The following TOR3A variants were observed in gnomAD, a reference collection of about 807,000 sequenced individuals.
TOR3A encodes torsin-3A.
TOR3A carries 44 observed loss-of-function variants against 42.1 expected under a neutral mutation model. The observed-to-expected ratio is 1.04, with a 90% CI of 0.82 to 1.34. TOR3A has a LOEUF of 1.34. TOR3A is among the 40% of genes most tolerant of loss of function. TOR3A has a pLI of 0.00. For missense variants in TOR3A, 521 were observed against 507.6 expected, an observed-to-expected ratio of 1.03 and a Z score of -0.25; for synonymous variants, 227 against 213.2, an observed-to-expected ratio of 1.06 and a Z score of -0.57.
intron 4 of TOR3A, among the ~76,000 whole-genome samples, chr1:179,092,210 A>T (rs1055890862): frequency 9.9e-5 from 15 of 152,184 alleles, no homozygotes; most frequent in African/African-American, 3.6e-4. Flanking sequence ...AGAGAACCAC[A>T]CAGCTCCCCT....
intron 4 of TOR3A, among the ~76,000 whole-genome samples, chr1:179,092,404 C>A (rs779595264): frequency 2.0e-5 from 3 of 152,136 alleles, no homozygotes; most frequent in Non-Finnish European, 4.4e-5. Context: ...TGTCCTTTAC[C>A]CTCCCTCATT....
rs778756684 is a variant in TOR3A at position 179,082,181 on chromosome 1, C to G, written c.53C>G (p.Pro18Arg). ...QLWLFFLLLL[P>R]GAPEPRGASR... ...TGGCTCTTTTTCCTGCTGCTGCTCC[C>G]GGGCGCGCCTGAGCCCCGCGGCGCC... is the stretch of plus-strand genomic sequence containing the variant. The change falls in exon 1 of 6, where the codon CCG (proline) becomes CGG (arginine). Residue 18 changes from proline (P) to arginine (R), a missense_variant. By Grantham distance (103) the Pro-to-Arg change is moderately radical. Transcript: ENST00000367627. 11 of 1,507,848 alleles carry G rather than the reference C, an allele frequency of 7.3e-6. No homozygotes were observed. The highest frequency in any genetic ancestry group is 3.7e-5 in the South Asian group (3 of 80,886). The allele number at this position is 1,507,848 out of a possible 1,614,324, so 93.4% of individuals were successfully genotyped here. A position where few individuals can be genotyped will look rare whatever the true frequency, so the allele number is the denominator to read the frequency against.
intron 4 of TOR3A, among the ~76,000 whole-genome samples, chr1:179,091,310 G>A (rs1652575402): frequency 6.6e-5 from 10 of 152,182 alleles, no homozygotes; most frequent in Admixed American, 6.5e-4. Flanking sequence ...GATGAGCTGG[G>A]AGGCTGTGGA....
At chr1:179,083,927 G>T (rs1291957234) in intron 2 of TOR3A, among the ~76,000 whole-genome samples, 1 of 152,072 alleles carries the variant, frequency 6.6e-6, no homozygotes, top group East Asian at 1.9e-4. Flanking sequence ...AGATATTTAG[G>T]TCACTTAATT....
At position 179,087,940 on chromosome 1, in the gene TOR3A, G is replaced by A. The variant is rs776157763; in HGVS notation, c.669G>A (p.Thr223=). 4 of 1,602,392 alleles carry A rather than the reference G, an allele frequency of 2.5e-6. No individual in the cohort carries two copies. Among genetic ancestry groups the A allele is most frequent in the African/African-American group, 1.3e-5 (1 of 74,518 alleles). ...AGCTGATGAGCCAGATCCGGGAGACGCAGCAGCTCTGCCACCAGACCCTGT... is the reference window on the plus strand; with the variant it reads ...AGCTGATGAGCCAGATCCGGGAGACACAGCAGCTCTGCCACCAGACCCTGT... ...KEQLMSQIRE[T]QQLCHQTLFI... The change falls in exon 4 of 6, where the codon ACG becomes ACA. Residue 223 remains threonine, a synonymous_variant. Transcript: ENST00000367627.
At position 179,088,090 on chromosome 1, in the gene TOR3A, G is replaced by C. The variant is rs1396137721; in HGVS notation, c.818+1G>C. 1 of 1,582,700 alleles carries C rather than the reference G, an allele frequency of 6.3e-7. No homozygotes were observed. Among genetic ancestry groups the C allele is most frequent in the Admixed American group, 1.9e-5 (1 of 53,926 alleles). On this transcript the variant is annotated splice_donor_variant, in intron 4 of 5. Transcript: ENST00000367627. LOFTEE classifies it high-confidence loss of function. Reference sequence around the variant, plus strand: ...CATGGACTATCTTTCTGTTTCTCAGGTGGGTTCTGGGGAACAATAGTCAGG... The same window carrying C: ...CATGGACTATCTTTCTGTTTCTCAGCTGGGTTCTGGGGAACAATAGTCAGG...
intron 4 of TOR3A, among the ~76,000 whole-genome samples, chr1:179,089,746 G>A (rs905263795): frequency 2.0e-5 from 3 of 152,096 alleles, no homozygotes; most frequent in South Asian, 4.1e-4. Context: ...CCACCGATGC[G>A]GAAGCCAGTC....
chr1:179,091,835 C>G (rs746850152), intron 4 of TOR3A: 7 of 152,346 alleles, frequency 4.6e-5, no homozygotes, highest in Non-Finnish European at 8.8e-5. Flanking sequence ...GCCCTGGCAG[C>G]AGGGTCTTGC....
chr1:179,095,008 G>T lies in TOR3A; in HGVS notation c.984G>T (p.Leu328=). 1 of 1,614,188 alleles carries T rather than the reference G, an allele frequency of 6.2e-7. No homozygotes were observed. Among genetic ancestry groups the T allele is most frequent in the Non-Finnish European group, 8.5e-7 (1 of 1,180,056 alleles). Residue 328 remains leucine, a synonymous_variant, in exon 6 of 6, where the codon CTG becomes CTT. Transcript: ENST00000367627. ...FGHSRLVKEN[L]IDYFIPFLPL... ...ACAGCCGTCTTGTGAAGGAAAACCT[G>T]ATTGACTACTTCATCCCCTTCCTGC...
intron 4 of TOR3A, among the ~76,000 whole-genome samples, chr1:179,089,309 G>C (rs983774899): frequency 7.2e-5 from 10 of 138,408 alleles, no homozygotes; most frequent in Non-Finnish European, 1.5e-4. Context: ...CAACAAGAGA[G>C]AGACTCCATC....
Position 179,095,206 on chromosome 1 carries a change from C to T in TOR3A, c.1182C>T (p.Tyr394=). ...GCKSISQRIN[Y]FLS ...AGTCTATTTCCCAGAGGATTAACTA[C>T]TTCCTGTCATGAAGGCTAGAGGAAG... The change falls in exon 6 of 6, where the codon TAC becomes TAT. Residue 394 remains tyrosine (Y), a synonymous_variant. Transcript: ENST00000367627. 6.2e-7 allele frequency: 1 copy of T among 1,614,108 alleles called. No individual in the cohort carries two copies.
chr1:179,086,526 C>T lies in TOR3A; in HGVS notation c.639+633C>T, dbSNP rs141321394. On this transcript the variant is annotated intron_variant, in intron 3 of 5. Coordinates refer to ENST00000367627, the MANE Select transcript of TOR3A (RefSeq NM_022371.4). ...CTAAAAATACAAAAACTTAGCTGGG[C>T]GTGGTGGCGGGCACCTGTAGTCTCA... Among the ~76,000 whole-genome samples, 1,046 of 152,176 alleles carry T rather than the reference C, an allele frequency of 6.9e-3. 47 individuals are homozygous for T. The highest frequency in any genetic ancestry group is 0.06 in the Admixed American group (911 of 15,272).
At chr1:179,092,845 A>G (rs1652627792) in intron 4 of TOR3A, among the ~76,000 whole-genome samples, 1 of 114,764 alleles carries the variant, frequency 8.7e-6, no homozygotes, top group African/African-American at 3.6e-5. Flanking sequence ...CTGTCTCAAG[A>G]AAAAAAAAAA....
At position 179,086,644 on chromosome 1, in the gene TOR3A, C is replaced by T. The variant is rs1035145903; in HGVS notation, c.639+751C>T. On this transcript the variant is annotated intron_variant, in intron 3 of 5. Transcript: ENST00000367627. Reference sequence around the variant, plus strand: ...TCGTGCCGCTGCACTCCAGCCTGGGCAACAGAGCAAGACTCCATCTCAAAA... The same window carrying T: ...TCGTGCCGCTGCACTCCAGCCTGGGTAACAGAGCAAGACTCCATCTCAAAA... Among the ~76,000 whole-genome samples the T allele has an allele frequency of 3.0e-5, 4 of 134,766 alleles. No homozygotes were observed. In the East Asian group the frequency reaches 6.4e-4, roughly 22 times the overall value. The allele number at this position is 134,766 out of a possible 152,430, so 88.4% of individuals were successfully genotyped here.
rs968488027 is a variant in TOR3A, at chr1:179,095,416, G to A, written c.*198G>A. 65 of 1,401,584 alleles carry A rather than the reference G, an allele frequency of 4.6e-5. No individual in the cohort carries two copies. Among genetic ancestry groups the A allele is most frequent in the Non-Finnish European group, 6.0e-5 (65 of 1,082,052 alleles). 86.8% of individuals were successfully genotyped at this position (1,401,584 alleles called of 1,614,324 possible). On this transcript the variant is annotated 3_prime_UTR_variant, in exon 6 of 6. Coordinates refer to ENST00000367627, the MANE Select transcript of TOR3A (RefSeq NM_022371.4). ...GCCAATCCTTTTTCTTTTTTTTGGA[G>A]GTCCCACCGAGATAGATAGGAACTT...
At chr1:179,083,309 G>T (rs1652343280) in intron 2 of TOR3A, among the ~76,000 whole-genome samples, 1 of 148,856 alleles carries the variant, frequency 6.7e-6, no homozygotes, top group African/African-American at 2.5e-5. Context: ...ACTCTAAACA[G>T]AAACAGCTAC....
At position 179,095,583 on chromosome 1, in the gene TOR3A, CTTA is replaced by C; in HGVS notation, c.*370_*372del. The C allele has an allele frequency of 1.8e-6, 2 of 1,115,840 alleles. No homozygotes were observed. Among genetic ancestry groups the C allele is most frequent in the Non-Finnish European group, 2.2e-6 (2 of 910,886 alleles). The allele number at this position is 1,115,840 out of a possible 1,614,324, so 69.1% of individuals were successfully genotyped here. On this transcript the variant is annotated 3_prime_UTR_variant, in exon 6 of 6. Coordinates refer to ENST00000367627, the MANE Select transcript of TOR3A (RefSeq NM_022371.4). ...GTGGGAGCTCAGCAAATCCCAAGGG[CTTA>C]TTATGACACTCCAGATGGTCTCCTT... is the stretch of plus-strand genomic sequence containing the variant.
rs201173574 is a variant in TOR3A at position 179,094,096 on chromosome 1, T to A, written c.822T>A (p.Asn274Lys). 196 of 1,613,162 alleles carry A rather than the reference T, an allele frequency of 1.2e-4. No individual in the cohort carries two copies. The East Asian group carries it at 4.2e-3, about 34-fold the overall frequency. The change falls in exon 5 of 6, where the codon AAT becomes AAA. Residue 274 changes from asparagine (N) to lysine (K), a missense_variant. Asn to Lys is a moderately conservative substitution (Grantham distance 94). Transcript: ENST00000367627. ...AACAAGCTCTTGTCTCTTTCAGTAA[T>A]CTCAGGGGCGATATAATCAATGAGG... ...SPWTIFLFLS[N>K]LRGDIINEVV...
intron 1 of TOR3A, chr1:179,082,703 G>C (rs1282859848): frequency 4.3e-6 from 3 of 703,716 alleles, no homozygotes; most frequent in African/African-American, 1.7e-5. Context: ...TTATTCGAAG[G>C]TGTTGCTCTT....
Sources: gnomAD v4.1 joint callset for allele counts (sites outside exome capture counted in the v4.1 genomes callset) on GRCh38, gnomAD v4.1.1 for gene constraint, MANE v1.5 for transcripts, NCBI Gene and HGNC (gene_info 2026-07-23, HGNC 2026-07-21) for gene names.